Variants in BFAR observed in about 807,000 individuals in gnomAD.
The protein encoded by BFAR is RING finger protein 47.
In BFAR, 52 loss-of-function variants were observed where a neutral mutation model predicts 54.4. The ratio of observed to expected loss-of-function variants is 0.96; its 90% CI spans 0.77 to 1.21. The LOEUF is 1.21. Among genes scored for constraint, BFAR ranks in the 50% most tolerant of loss-of-function variants. The pLI, the probability that BFAR is intolerant of heterozygous loss-of-function variation, is 0.00. For synonymous variants in BFAR, 215 were observed against 204.3 expected (o/e 1.05, Z -0.45); for missense variants, 571 against 534.0 (o/e 1.07, Z -0.68).
intron 2 of BFAR, 57 bp downstream of exon 2, chr16:14,644,666 T>C (rs1959735526): frequency 1.3e-6 from 2 of 1,517,716 alleles, no homozygotes; most frequent in Non-Finnish European, 1.8e-6. Context: ...GTTTCTCTCT[T>C]GCTTTTTTTT....
At chr16:14,665,702 G>A (rs757234698) in intron 7 of BFAR, among the ~76,000 whole-genome samples, 5 of 152,118 alleles carry the variant, frequency 3.3e-5, no homozygotes, top group Non-Finnish European at 2.9e-5. Flanking sequence ...CGTGATGTAC[G>A]TGCTCTTACA....
chr16:14,661,390 A>ATTTTT (rs1960282338), intron 5 of BFAR, among the ~76,000 whole-genome samples: 4 of 91,828 alleles, frequency 4.4e-5, no homozygotes, highest in Admixed American at 1.3e-4. Flanking sequence ...TAGAGATTGG[A>ATTTTT]TCTTTTTTTT....
chr16:14,667,779 T>C lies in BFAR; in HGVS notation c.1305T>C (p.Ile435=). Reference sequence around the variant, plus strand: ...TGTACTTTAACCCAATTATTAACATTGATCTTGTGGTCAAGGAACTCCGGC... The same window carrying C: ...TGTACTTTAACCCAATTATTAACATCGATCTTGTGGTCAAGGAACTCCGGC... ...WALYFNPIIN[I]DLVVKELRRL... The change falls in exon 8 of 8, where the codon ATT becomes ATC. Residue 435 remains isoleucine, a synonymous_variant. Transcript: ENST00000261658. 2 of 1,614,166 alleles carry C rather than the reference T, an allele frequency of 1.2e-6. No homozygotes were observed. The highest frequency in any genetic ancestry group is 2.2e-5 in the South Asian group (2 of 91,088).
chr16:14,642,930 C>T (rs1166112133), intron 1 of BFAR, among the ~76,000 whole-genome samples: 1 of 152,168 alleles, frequency 6.6e-6, no homozygotes, highest in Non-Finnish European at 1.5e-5. Context: ...AATCCCAGCA[C>T]TTTGATAGGC....
intron 6 of BFAR, among the ~76,000 whole-genome samples, chr16:14,664,320 G>A (rs929733928): frequency 2.0e-5 from 3 of 151,152 alleles, no homozygotes; most frequent in African/African-American, 7.3e-5. Context: ...GAACCCAGGA[G>A]GTGGAGGCTG....
chr16:14,641,550 CAAA>C (rs530864447), intron 1 of BFAR, among the ~76,000 whole-genome samples: 11 of 102,460 alleles, frequency 1.1e-4, no homozygotes, highest in Admixed American at 9.4e-5. Context: ...GACTCCATCT[CAAA>C]AAAAAAAAAA....
At chr16:14,654,320 A>G (rs1478709148) in intron 4 of BFAR, among the ~76,000 whole-genome samples, 1 of 151,754 alleles carries the variant, frequency 6.6e-6, no homozygotes, top group Non-Finnish European at 1.5e-5. Context: ...ATTTCCTTCT[A>G]ATTTTTCCTA....
chr16:14,641,422 ATTAG>A (rs763011278), intron 1 of BFAR, among the ~76,000 whole-genome samples: 1 of 152,118 alleles, frequency 6.6e-6, no homozygotes, highest in Non-Finnish European at 1.5e-5. Flanking sequence ...TTAATTATTA[ATTAG>A]TTAATAATTA....
intron 5 of BFAR, among the ~76,000 whole-genome samples, chr16:14,660,200 T>C (rs147566863): frequency 4.4e-4 from 67 of 152,352 alleles, no homozygotes; most frequent in African/African-American, 1.6e-3. Context: ...CTCATTTAAT[T>C]CACATTCACA....
chr16:14,638,287 G>C (rs1959515652), intron 1 of BFAR, among the ~76,000 whole-genome samples: 1 of 152,170 alleles, frequency 6.6e-6, no homozygotes, highest in Non-Finnish European at 1.5e-5. Context: ...GGAGGCTGAG[G>C]TGGGAGGATC....
intron 4 of BFAR, among the ~76,000 whole-genome samples, chr16:14,654,737 T>C (rs1275801693): frequency 1.3e-5 from 2 of 151,960 alleles, no homozygotes; most frequent in South Asian, 2.1e-4. Context: ...TCAAGTGATC[T>C]GCCTGCCTCA....
chr16:14,654,103 C>T (rs1960052599), intron 4 of BFAR, among the ~76,000 whole-genome samples: 2 of 146,256 alleles, frequency 1.4e-5, no homozygotes, highest in African/African-American at 5.1e-5. Flanking sequence ...GCTCCGCCTT[C>T]CGGGTTCACG....
intron 3 of BFAR, 110 bp from the exon 4 acceptor site, chr16:14,649,694 C>A: frequency 1.0e-6 from 1 of 988,362 alleles, no homozygotes; most frequent in Non-Finnish European, 1.5e-6. Flanking sequence ...ACGGGCTCCG[C>A]ATCATTCCCT....
intron 7 of BFAR, 99 bp downstream of exon 7, chr16:14,665,170 C>A: frequency 8.3e-7 from 1 of 1,205,322 alleles, no homozygotes; most frequent in Non-Finnish European, 1.2e-6. Context: ...ATAAATCCTC[C>A]ATCCACCCAG....
intron 4 of BFAR, among the ~76,000 whole-genome samples, chr16:14,653,223 A>G (rs1476951816): frequency 2.0e-5 from 3 of 152,214 alleles, no homozygotes; most frequent in African/African-American, 4.8e-5. Context: ...CTCAACCAGT[A>G]GTTGCATATG....
At chr16:14,652,882 A>T (rs902457114) in intron 4 of BFAR, among the ~76,000 whole-genome samples, 7 of 152,126 alleles carry the variant, frequency 4.6e-5, no homozygotes, top group Admixed American at 1.3e-4. Flanking sequence ...CATTTGTTTC[A>T]GACACCCACT....
intron 2 of BFAR, among the ~76,000 whole-genome samples, chr16:14,647,515 G>A (rs1375519330): frequency 6.6e-6 from 1 of 151,868 alleles, no homozygotes; most frequent in Non-Finnish European, 1.5e-5. Flanking sequence ...TAGCCAACAT[G>A]ACCAAAAATA....
At chr16:14,633,699 C>A (rs1332531762) in intron 1 of BFAR, among the ~76,000 whole-genome samples, 1 of 152,200 alleles carries the variant, frequency 6.6e-6, no homozygotes, top group East Asian at 1.9e-4. Flanking sequence ...GCCGCCCAGG[C>A]TGGAGTGCGG....
intron 5 of BFAR, among the ~76,000 whole-genome samples, chr16:14,660,078 C>A (rs1466969559): frequency 2.0e-5 from 3 of 152,124 alleles, no homozygotes; most frequent in Non-Finnish European, 2.9e-5. Context: ...GGAACATCTC[C>A]GTCACTCCCA....
Sources: gnomAD v4.1 joint callset for allele counts (sites outside exome capture counted in the v4.1 genomes callset) on GRCh38, gnomAD v4.1.1 for gene constraint, MANE v1.5 for transcripts, NCBI Gene and HGNC (gene_info 2026-07-23, HGNC 2026-07-21) for gene names.